The following CTNNA2 variants were observed in gnomAD, a reference collection of about 807,000 sequenced individuals.
The protein encoded by CTNNA2 is catenin alpha-2.
Under a neutral mutation model 101.0 loss-of-function variants are expected in CTNNA2, and 42 were observed. That is an observed-to-expected ratio of 0.42 (90% CI 0.32 to 0.54). CTNNA2 has a LOEUF of 0.54. CTNNA2 is among the 20% of genes least tolerant of loss of function. The probability of loss-of-function intolerance (pLI) is 0.14; values close to 1 mark genes in which losing one functional copy is unlikely to be tolerated. For missense variants in CTNNA2, 871 were observed against 1,223.1 expected, an observed-to-expected ratio of 0.71 and a Z score of 4.29; for synonymous variants, 450 against 456.4, an observed-to-expected ratio of 0.99 and a Z score of 0.18.
At chr2:79,543,975 A>G (rs1673574526) in intron 1 of CTNNA2, among the ~76,000 whole-genome samples, 1 of 151,870 alleles carries the variant, frequency 6.6e-6, no homozygotes, top group Non-Finnish European at 1.5e-5. Context: ...ATGGAGTCTC[A>G]CTCTGTCTGC....
chr2:80,572,470 A>G (rs1382330548), intron 12 of CTNNA2, among the ~76,000 whole-genome samples: 1 of 152,200 alleles, frequency 6.6e-6, no homozygotes, highest in African/African-American at 2.4e-5. Flanking sequence ...ATAGAACTAT[A>G]ACATCACTGA....
At chr2:79,828,233 C>A (rs776654353) in intron 3 of CTNNA2, among the ~76,000 whole-genome samples, 4 of 152,090 alleles carry the variant, frequency 2.6e-5, no homozygotes, top group Non-Finnish European at 5.9e-5. Flanking sequence ...TTTGGTTTCT[C>A]ATTTCTATAT....
intron 1 of CTNNA2, among the ~76,000 whole-genome samples, chr2:79,613,361 T>TC (rs1283387061): frequency 6.6e-6 from 1 of 151,628 alleles, no homozygotes; most frequent in Non-Finnish European, 1.5e-5. Flanking sequence ...GTTTTTTTTT[T>TC]TTTCTTGAAA....
intron 2 of CTNNA2, among the ~76,000 whole-genome samples, chr2:79,267,812 G>A (rs951212206): frequency 3.9e-5 from 6 of 152,246 alleles, no homozygotes; most frequent in African/African-American, 1.4e-4. Flanking sequence ...TTAATGTCCT[G>A]GAAAAGCCCC....
chr2:80,106,907 C>A (rs1242824706), intron 7 of CTNNA2, among the ~76,000 whole-genome samples: 9 of 152,130 alleles, frequency 5.9e-5, no homozygotes. Flanking sequence ...GGGGCCCTGG[C>A]AGGGAAAAGT....
At chr2:80,089,820 A>C (rs1447276307) in intron 7 of CTNNA2, among the ~76,000 whole-genome samples, 1 of 151,932 alleles carries the variant, frequency 6.6e-6, no homozygotes, top group African/African-American at 2.4e-5. Context: ...CAGCAGCTAC[A>C]AACTTTACCA....
At chr2:79,751,048 T>A (rs931417120) in intron 3 of CTNNA2, among the ~76,000 whole-genome samples, 1 of 152,264 alleles carries the variant, frequency 6.6e-6, no homozygotes, top group Admixed American at 6.5e-5. Flanking sequence ...TATAGGGCAG[T>A]TAAATATTTC....
intron 9 of CTNNA2, among the ~76,000 whole-genome samples, chr2:80,489,855 G>A (rs537867187): frequency 6.6e-6 from 1 of 152,268 alleles, no homozygotes; most frequent in South Asian, 2.1e-4. Flanking sequence ...CTCTGGCAGT[G>A]AAATAGGATA....
At chr2:79,204,920 C>A (rs1674082749) in intron 2 of CTNNA2, among the ~76,000 whole-genome samples, 1 of 152,264 alleles carries the variant, frequency 6.6e-6, no homozygotes, top group South Asian at 2.1e-4. Context: ...CAGGCACCGC[C>A]TGCCAACACT....
At position 79,811,641 on chromosome 2, in the gene CTNNA2, C is replaced by G. The variant is rs188710893; in HGVS notation, c.299-46372C>G. ...TTGATTATTGTATCTTTATAAGAAT[C>G]TTGAAATCAAGTAATGCCTTCTAAC... On this transcript the variant is annotated intron_variant, in intron 3 of 18. Coordinates refer to ENST00000402739, the MANE Select transcript of CTNNA2 (RefSeq NM_001282597.3). Among the ~76,000 whole-genome samples, 97 of 152,264 alleles carry G rather than the reference C, an allele frequency of 6.4e-4. 1 individual carries two copies. Among genetic ancestry groups the G allele is most frequent in the African/African-American group, 2.1e-3 (89 of 41,564 alleles).
intron 7 of CTNNA2, among the ~76,000 whole-genome samples, chr2:80,134,398 C>T (rs1025648875): frequency 6.6e-6 from 1 of 152,242 alleles, no homozygotes; most frequent in Middle Eastern, 3.4e-3. Context: ...TCCCCCAAAC[C>T]CTTTGGTTGG....
intron 18 of CTNNA2, among the ~76,000 whole-genome samples, chr2:80,642,812 C>T (rs540144658): frequency 9.2e-4 from 140 of 152,202 alleles, no homozygotes; most frequent in African/African-American, 3.3e-3. Context: ...AATTAGGCTG[C>T]ACAAATATTG....
intron 2 of CTNNA2, among the ~76,000 whole-genome samples, chr2:79,259,694 A>G: frequency 6.6e-6 from 1 of 152,282 alleles, no homozygotes; most frequent in Middle Eastern, 3.4e-3. Context: ...CAGGCTGCCT[A>G]CCTGCAGCTC....
intron 7 of CTNNA2, among the ~76,000 whole-genome samples, chr2:79,972,768 C>G (rs1392190231): frequency 6.6e-6 from 1 of 152,242 alleles, no homozygotes; most frequent in South Asian, 2.1e-4. Flanking sequence ...ATTTTCAGTG[C>G]TCAATGAAAG....
chr2:80,071,050 G>C (rs374694676), intron 7 of CTNNA2, among the ~76,000 whole-genome samples: 1 of 152,160 alleles, frequency 6.6e-6, no homozygotes, highest in Non-Finnish European at 1.5e-5. Context: ...TTAAAAATCA[G>C]GTAACACTTA....
chr2:80,552,109 T>C (rs1205100388), intron 11 of CTNNA2, among the ~76,000 whole-genome samples: 1 of 152,178 alleles, frequency 6.6e-6, no homozygotes, highest in Non-Finnish European at 1.5e-5. Flanking sequence ...TTGTTTGCCT[T>C]CTTAAGTGAA....
In CTNNA2 at chr2:79,631,316, C is replaced by T. The variant is rs191645152; in HGVS notation, c.-5-20236C>T. ...AGAGATTTGCTCTGTAGAATCAGTG[C>T]TCTCTGTATACCCAACTGAGGAATA... On this transcript the variant is annotated intron_variant, in intron 1 of 18. Coordinates refer to ENST00000402739, the MANE Select transcript of CTNNA2 (RefSeq NM_001282597.3). 1.1e-3 allele frequency among the ~76,000 whole-genome samples: 161 copies of T among 152,278 alleles called. 1 individual carries two copies. Among genetic ancestry groups the T allele is most frequent in the African/African-American group, 3.7e-3 (152 of 41,568 alleles).
chr2:79,991,326 A>T, intron 7 of CTNNA2, among the ~76,000 whole-genome samples: 1 of 152,184 alleles, frequency 6.6e-6, no homozygotes, highest in East Asian at 1.9e-4. Flanking sequence ...AAGTATTCAG[A>T]TAAATTTCTG....
At chr2:79,791,966 C>T (rs527286679) in intron 3 of CTNNA2, among the ~76,000 whole-genome samples, 6 of 152,118 alleles carry the variant, frequency 3.9e-5, no homozygotes, top group African/African-American at 1.4e-4. Flanking sequence ...CTCCTGCATT[C>T]GTAATTGAAT....
Sources: gnomAD v4.1 joint callset for allele counts (sites outside exome capture counted in the v4.1 genomes callset) on GRCh38, gnomAD v4.1.1 for gene constraint, MANE v1.5 for transcripts, NCBI Gene and HGNC (gene_info 2026-07-23, HGNC 2026-07-21) for gene names.